Variants in MTUS2 observed in about 807,000 individuals in gnomAD.
MTUS2 encodes the protein microtubule associated scaffold protein 2.
MTUS2 carries 40 observed loss-of-function variants against 114.1 expected under a neutral mutation model. That is an observed-to-expected ratio of 0.35 (90% CI 0.27 to 0.46). The LOEUF is 0.46. Among genes scored for constraint, MTUS2 ranks in the 20% least tolerant of loss-of-function variants. The probability of loss-of-function intolerance (pLI) is 1.00; values close to 1 mark genes in which losing one functional copy is unlikely to be tolerated. For missense variants in MTUS2, 1,679 were observed against 1,705.4 expected (o/e 0.98, Z 0.27); for synonymous variants, 688 against 672.0 (o/e 1.02, Z -0.37).
At chr13:28,841,408 G>A (rs906714293) in intron 2 of MTUS2, among the ~76,000 whole-genome samples, 1 of 152,308 alleles carries the variant, frequency 6.6e-6, no homozygotes, top group East Asian at 1.9e-4. Flanking sequence ...GGTGAAAGTG[G>A]TGCAGGTTGT....
intron 5 of MTUS2, among the ~76,000 whole-genome samples, chr13:29,246,504 A>G (rs1451966250): frequency 6.6e-6 from 1 of 152,204 alleles, no homozygotes; most frequent in African/African-American, 2.4e-5. Flanking sequence ...GTTAGTGGGA[A>G]TTTTGTGTGC....
At chr13:29,344,384 C>T (rs767466653) in intron 7 of MTUS2, among the ~76,000 whole-genome samples, 159 of 151,980 alleles carry the variant, frequency 1.0e-3, no homozygotes, top group Non-Finnish European at 1.7e-3. Flanking sequence ...TTGGACTAGT[C>T]CTTTTATCAT....
chr13:29,110,586 A>G (rs1265262942), intron 5 of MTUS2, among the ~76,000 whole-genome samples: 2 of 152,148 alleles, frequency 1.3e-5, no homozygotes, highest in Non-Finnish European at 2.9e-5. Context: ...CTTGCTGTTA[A>G]TCTTCCCAAT....
At chr13:29,005,287 G>A (rs1885556796) in intron 2 of MTUS2, among the ~76,000 whole-genome samples, 2 of 152,182 alleles carry the variant, frequency 1.3e-5, no homozygotes, top group South Asian at 4.1e-4. Context: ...AGAGGGGCTT[G>A]GGAGTTCTTA....
chr13:28,859,245 G>A (rs1259657035), intron 2 of MTUS2, among the ~76,000 whole-genome samples: 1 of 152,186 alleles, frequency 6.6e-6, no homozygotes, highest in Non-Finnish European at 1.5e-5. Context: ...AGTACTACAG[G>A]GGTGGCTGGG....
At chr13:29,095,369 T>G (rs1890134054) in intron 4 of MTUS2, among the ~76,000 whole-genome samples, 1 of 152,312 alleles carries the variant, frequency 6.6e-6, no homozygotes, top group African/African-American at 2.4e-5. Context: ...TGTATCTTCC[T>G]AATGCATTGA....
intron 2 of MTUS2, among the ~76,000 whole-genome samples, 156 bp from the exon 3 acceptor site, chr13:29,024,301 C>T (rs573094831): frequency 1.3e-5 from 2 of 152,114 alleles, no homozygotes; most frequent in Admixed American, 6.5e-5. Context: ...TTGTATTTGG[C>T]CAGGAGGAGC....
intron 2 of MTUS2, among the ~76,000 whole-genome samples, chr13:28,997,315 C>G (rs1484012380): frequency 6.6e-6 from 1 of 152,068 alleles, no homozygotes; most frequent in Non-Finnish European, 1.5e-5. Context: ...TTACTTCCAA[C>G]TATGTGGACA....
At chr13:29,078,047 A>T (rs1177821419) in intron 4 of MTUS2, among the ~76,000 whole-genome samples, 1 of 152,196 alleles carries the variant, frequency 6.6e-6, no homozygotes, top group African/African-American at 2.4e-5. Context: ...CACATCTTTT[A>T]AAAGTTCAGC....
intron 2 of MTUS2, among the ~76,000 whole-genome samples, chr13:28,972,706 T>TA (rs1883909471): frequency 6.6e-6 from 1 of 152,212 alleles, no homozygotes; most frequent in Non-Finnish European, 1.5e-5. Flanking sequence ...GTTCCTGTCT[T>TA]ATGGGAGAAA....
intron 2 of MTUS2, among the ~76,000 whole-genome samples, chr13:28,888,204 G>A (rs1471145294): frequency 2.0e-5 from 3 of 152,176 alleles, no homozygotes; most frequent in Admixed American, 6.5e-5. Flanking sequence ...GAATGCTTCT[G>A]AACCATGTAT....
chr13:28,997,993 C>G (rs1471088382), intron 2 of MTUS2, among the ~76,000 whole-genome samples: 11 of 152,136 alleles, frequency 7.2e-5, no homozygotes, highest in Non-Finnish European at 1.2e-4. Flanking sequence ...CTTTGATATT[C>G]TTTACAATTT....
chr13:28,945,995 T>A (rs918194062), intron 2 of MTUS2, among the ~76,000 whole-genome samples: 3 of 152,342 alleles, frequency 2.0e-5, no homozygotes, highest in Middle Eastern at 3.4e-3. Flanking sequence ...GATGATGATG[T>A]ATTCAGTAGT....
chr13:29,437,554 G>A (rs143862939), intron 8 of MTUS2, among the ~76,000 whole-genome samples: 36 of 152,206 alleles, frequency 2.4e-4, no homozygotes, highest in African/African-American at 7.2e-4. Context: ...CCCTGTGATC[G>A]GTCTGATTAG....
In MTUS2 at chr13:29,408,079, T is replaced by G. The variant is rs145687955; in HGVS notation, c.3118-31904T>G. On this transcript the variant is annotated intron_variant, in intron 8 of 15. Transcript: ENST00000612955. ...GTTTCTACATATTCTGGATACTAGTTTATTTGTGGATTATACATATTACAA... is the reference window on the plus strand; with the variant it reads ...GTTTCTACATATTCTGGATACTAGTGTATTTGTGGATTATACATATTACAA... 7.8e-4 allele frequency among the ~76,000 whole-genome samples: 119 copies of G among 152,312 alleles called. No individual in the cohort carries two copies. The East Asian group carries it at 0.02, about 26-fold the overall frequency.
At chr13:29,171,732 G>A (rs1250163610) in intron 5 of MTUS2, among the ~76,000 whole-genome samples, 2 of 152,154 alleles carry the variant, frequency 1.3e-5, no homozygotes, top group African/African-American at 4.8e-5. Flanking sequence ...TGGTGTTAGG[G>A]ACCCAAGCTC....
intron 6 of MTUS2, among the ~76,000 whole-genome samples, chr13:29,323,045 A>G (rs1001465906): frequency 1.3e-5 from 2 of 152,148 alleles, no homozygotes; most frequent in African/African-American, 2.4e-5. Flanking sequence ...TTTGTTGACA[A>G]TTGGACTGTG....
At chr13:28,970,561 T>C (rs1216012572) in intron 2 of MTUS2, among the ~76,000 whole-genome samples, 1 of 152,204 alleles carries the variant, frequency 6.6e-6, no homozygotes, top group African/African-American at 2.4e-5. Flanking sequence ...TAGAAAAAGT[T>C]TGCATCCTTC....
chr13:29,488,955 G>A (rs768969164), intron 11 of MTUS2, among the ~76,000 whole-genome samples: 15 of 152,012 alleles, frequency 9.9e-5, no homozygotes, highest in Non-Finnish European at 1.5e-4. Flanking sequence ...ACTTTCTCTC[G>A]CTTTACTTTT....
Sources: gnomAD v4.1 joint callset for allele counts (sites outside exome capture counted in the v4.1 genomes callset) on GRCh38, gnomAD v4.1.1 for gene constraint, MANE v1.5 for transcripts, NCBI Gene and HGNC (gene_info 2026-07-23, HGNC 2026-07-21) for gene names.